ITGA3: variants seen among roughly 807,000 people sequenced by gnomAD.
ITGA3 encodes the protein integrin subunit alpha 3, also known as integrin alpha-3.
In ITGA3, 70 loss-of-function variants were observed where a neutral mutation model predicts 131.1. The ratio of observed to expected loss-of-function variants is 0.53; its 90% CI spans 0.44 to 0.65. ITGA3 has a LOEUF of 0.65. Ranked by LOEUF, ITGA3 falls within the 30% of genes least tolerant of loss-of-function variation. The pLI, the probability that ITGA3 is intolerant of heterozygous loss-of-function variation, is 0.00. For synonymous variants in ITGA3, 537 were observed against 571.6 expected, an observed-to-expected ratio of 0.94 and a Z score of 0.86; for missense variants, 1,098 against 1,388.6, an observed-to-expected ratio of 0.79 and a Z score of 3.33.
chr17:50,081,320 A>C lies in ITGA3; in HGVS notation c.2831A>C (p.Asp944Ala). The change falls in exon 23 of 26, where the codon GAC becomes GCC. Residue 944 changes from aspartate to alanine, a missense_variant. By Grantham distance (126) the Asp-to-Ala change is moderately radical. Around this residue, in one of 3 missense-constraint regions of ITGA3, gnomAD observed 699 missense variants for 829.2 expected, o/e 0.84. Coordinates refer to ENST00000320031, the MANE Select transcript of ITGA3 (RefSeq NM_002204.4). The part of the protein sequence containing the change: ...WNSTFIEDYR[D>A]FDRVRVNGWA... The stretch of plus-strand genomic sequence containing the variant: ...CCACTCCCAATCCAGGATTACAGAG[A>C]CTTTGACCGAGTCCGGGTAAATGGC... 2 of 1,586,070 alleles carry C rather than the reference A, an allele frequency of 1.3e-6. No individual in the cohort carries two copies. The highest frequency in any genetic ancestry group is 1.7e-6 in the Non-Finnish European group (2 of 1,164,274).
At chr17:50,080,463 GGTGTGTGTGTGTGTGTGTGT>G in intron 22 of ITGA3, 88 bp downstream of exon 22, 2 of 504,782 alleles carry the variant, frequency 4.0e-6, no homozygotes, top group Non-Finnish European at 6.9e-6. Flanking sequence ...TCATAGCATG[GGTGTGTGTGTGTGTGTGTGT>G]GTGTGTGTGT....
intron 3 of ITGA3, among the ~76,000 whole-genome samples, chr17:50,066,527 C>T (rs905993373): frequency 1.3e-5 from 2 of 152,024 alleles, no homozygotes; most frequent in African/African-American, 4.8e-5. Flanking sequence ...CTCGGTGGCT[C>T]ATTCCTTTGG....
Position 50,089,108 on chromosome 17 carries a change from A to C in ITGA3, c.*32-2A>C, listed in dbSNP as rs201407665. On this transcript the variant is annotated splice_acceptor_variant, in intron 25 of 25. Transcript: ENST00000320031. LOFTEE classifies it low-confidence loss of function (3UTR_SPLICE). ...TTCTTTCTCTTCTCCCTCCAACTCC[A>C]GTGTGACTTCTTTAAGCGGACCCGC... The C allele has an allele frequency of 1.2e-6, 2 of 1,611,572 alleles. No homozygotes were observed. Among genetic ancestry groups the C allele is most frequent in the Admixed American group, 3.3e-5 (2 of 59,958 alleles).
chr17:50,068,990 G>A (rs1465475516), intron 4 of ITGA3, among the ~76,000 whole-genome samples: 1 of 151,870 alleles, frequency 6.6e-6, no homozygotes, highest in Non-Finnish European at 1.5e-5. Flanking sequence ...TGGGACTACA[G>A]GTGCCCGCCA....
intron 1 of ITGA3, among the ~76,000 whole-genome samples, chr17:50,058,778 G>C (rs1447766198): frequency 6.6e-6 from 1 of 152,240 alleles, no homozygotes; most frequent in African/African-American, 2.4e-5. Flanking sequence ...GCAAACAGCT[G>C]CCTGAGTGCA....
chr17:50,063,905 C>T, intron 1 of ITGA3, 172 bp from the exon 2 acceptor site: 1 of 857,374 alleles, frequency 1.2e-6, no homozygotes, highest in South Asian at 1.8e-5. Flanking sequence ...GCACTTCCTT[C>T]TAGTGTCTTT....
At position 50,079,199 on chromosome 17, in the gene ITGA3, G is replaced by A. The variant is rs150967831; in HGVS notation, c.2524G>A (p.Gly842Arg). ...CACGGAGATCACCGTCCATGGCAAT[G>A]GGTCCTGGCCCTGCCGACCACCTGG... ...YPTEITVHGN[G>R]SWPCRPPGDL... The change falls in exon 20 of 26, where the codon GGG becomes AGG. Residue 842 changes from glycine (G) to arginine (R), a missense_variant. Transcript: ENST00000320031. 1.7e-5 allele frequency: 27 copies of A among 1,613,930 alleles called. No individual in the cohort carries two copies. The African/African-American group carries it at 3.2e-4, about 19-fold the overall frequency.
At chr17:50,071,589 G>T in intron 6 of ITGA3, 71 bp downstream of exon 6, 3 of 1,338,530 alleles carry the variant, frequency 2.2e-6, no homozygotes, top group Non-Finnish European at 3.1e-6. Context: ...TAAGCCAGGT[G>T]AGGGGAGTGG....
rs1567708235 is a variant in ITGA3 at position 50,090,258 on chromosome 17, GCCAGC to G, written c.*1182_*1186del. 2 of 456,552 alleles carry G rather than the reference GCCAGC, an allele frequency of 4.4e-6. No individual in the cohort carries two copies. 28.3% of individuals were successfully genotyped at this position (456,552 alleles called of 1,614,324 possible). ...TTCTTAGCTATCCTTGGCTTTCAGAGCCAGCCTGGCTCTGCCCCCTCCCCCATGGG... is the reference window on the plus strand; with the variant it reads ...TTCTTAGCTATCCTTGGCTTTCAGAGCTGGCTCTGCCCCCTCCCCCATGGG... On this transcript the variant is annotated 3_prime_UTR_variant, in exon 26 of 26. Coordinates refer to ENST00000320031, the MANE Select transcript of ITGA3 (RefSeq NM_002204.4).
At chr17:50,077,770 A>G (rs1302394745) in intron 16 of ITGA3, among the ~76,000 whole-genome samples, 1 of 152,176 alleles carries the variant, frequency 6.6e-6, no homozygotes, top group Non-Finnish European at 1.5e-5. Flanking sequence ...GAGGAGGTAG[A>G]TGCTCTTTTA....
chr17:50,057,437 G>A (rs1269180505), intron 1 of ITGA3, among the ~76,000 whole-genome samples: 1 of 152,216 alleles, frequency 6.6e-6, no homozygotes, highest in Non-Finnish European at 1.5e-5. Context: ...AAGGAGGAGG[G>A]GAAGAGCTAT....
chr17:50,079,402 G>A, intron 20 of ITGA3, 33 bp from the exon 21 acceptor site: 1 of 1,546,934 alleles, frequency 6.5e-7, no homozygotes, highest in Non-Finnish European at 8.7e-7. Context: ...TTCTTCCTCT[G>A]CCCTGCCAGC....
At chr17:50,071,873 G>A (rs1381443106) in intron 6 of ITGA3, 113 bp from the exon 7 acceptor site, 3 of 913,418 alleles carry the variant, frequency 3.3e-6, no homozygotes, top group East Asian at 5.2e-5. Flanking sequence ...CCTGTGGCCG[G>A]AAGAGCCATT....
chr17:50,072,116 C>T lies in ITGA3; in HGVS notation c.1090C>T (p.Pro364Ser), dbSNP rs757205480. ...TCACCCCTCACTCCTTCTTCATGGC[C>T]CCAGTGGCTCTGCCTTTGGTTTATC... ...PAHPSLLLHG[P>S]SGSAFGLSVA... Residue 364 changes from proline to serine, a missense_variant, in exon 7 of 26, where the codon CCC becomes TCC. By Grantham distance (74) the Pro-to-Ser change is moderately conservative. Transcript: ENST00000320031. 2 of 1,614,050 alleles carry T rather than the reference C, an allele frequency of 1.2e-6. No individual in the cohort carries two copies. The highest frequency in any genetic ancestry group is 1.7e-6 in the Non-Finnish European group (2 of 1,179,996).
chr17:50,076,517 A>G, intron 13 of ITGA3, 42 bp downstream of exon 13: 1 of 1,606,262 alleles, frequency 6.2e-7, no homozygotes, highest in Non-Finnish European at 8.5e-7. Flanking sequence ...CAGGGGCCAG[A>G]AGGGCGGTGG....
Position 50,072,256 on chromosome 17 carries a change from C to A in ITGA3, c.1156+74C>A. 3 of 1,354,968 alleles carry A rather than the reference C, an allele frequency of 2.2e-6. No homozygotes were observed. The South Asian group carries it at 3.9e-5, about 17-fold the overall frequency. The allele number at this position is 1,354,968 out of a possible 1,614,324, so 83.9% of individuals were successfully genotyped here. ...TCCCAGCACCCCTACTGACTGAGCA[C>A]CAGCTGCACATCAGGCTTGACAGGG... is the stretch of plus-strand genomic sequence containing the variant. On this transcript the variant is annotated intron_variant, in intron 7 of 25. Transcript: ENST00000320031.
chr17:50,085,041 C>T (rs896769527), intron 23 of ITGA3, among the ~76,000 whole-genome samples: 16 of 149,162 alleles, frequency 1.1e-4, no homozygotes, highest in African/African-American at 2.5e-4. Flanking sequence ...GGTGAAACCC[C>T]GGCTCTACTA....
chr17:50,070,306 A>G (rs1182817355), intron 4 of ITGA3, among the ~76,000 whole-genome samples: 1 of 152,162 alleles, frequency 6.6e-6, no homozygotes, highest in Non-Finnish European at 1.5e-5. Flanking sequence ...TTCCCTCCTG[A>G]GCCTCACTTA....
At position 50,063,957 on chromosome 17, in the gene ITGA3, G is replaced by A. The variant is rs924698062; in HGVS notation, c.207-120G>A. The A allele has an allele frequency of 2.2e-6, 3 of 1,368,302 alleles. No homozygotes were observed. In the African/African-American group the frequency reaches 4.3e-5, roughly 20 times the overall value. The allele number at this position is 1,368,302 out of a possible 1,614,324, so 84.8% of individuals were successfully genotyped here. A position where few individuals can be genotyped will look rare whatever the true frequency, so the allele number is the denominator to read the frequency against. The stretch of plus-strand genomic sequence containing the variant: ...ACCCTACACTGGGCACTTCTGGAGG[G>A]CAGGAGCTGGGGGTCTCCTGGCACC... On this transcript the variant is annotated intron_variant, in intron 1 of 25. Coordinates refer to ENST00000320031, the MANE Select transcript of ITGA3 (RefSeq NM_002204.4).
Sources: gnomAD v4.1 joint callset for allele counts (sites outside exome capture counted in the v4.1 genomes callset) on GRCh38, gnomAD v4.1.1 for gene constraint, gnomAD v4.1.1 regional missense constraint, MANE v1.5 for transcripts, NCBI Gene and HGNC (gene_info 2026-07-23, HGNC 2026-07-21) for gene names.